The following CFAP58 variants were observed in gnomAD, a reference collection of about 807,000 sequenced individuals.
CFAP58 encodes cilia- and flagella-associated protein 58.
A neutral mutation model predicts 119.5 loss-of-function variants in CFAP58; 88 were observed. That is an observed-to-expected ratio of 0.74 (90% CI 0.62 to 0.88). CFAP58 has a LOEUF of 0.88. Among genes scored for constraint, CFAP58 ranks in the 40% least tolerant of loss-of-function variants. CFAP58 has a pLI of 0.00. For synonymous variants in CFAP58, 365 were observed against 366.3 expected, an observed-to-expected ratio of 1.00 and a Z score of 0.04; for missense variants, 990 against 1,021.2, an observed-to-expected ratio of 0.97 and a Z score of 0.42.
intron 11 of CFAP58, among the ~76,000 whole-genome samples, chr10:104,395,142 A>C (rs1450410441): frequency 6.6e-6 from 1 of 151,994 alleles, no homozygotes; most frequent in African/African-American, 2.4e-5. Flanking sequence ...TATACAAAAT[A>C]TCAATTATTC....
intron 13 of CFAP58, among the ~76,000 whole-genome samples, chr10:104,402,498 G>A (rs1050518493): frequency 8.5e-5 from 13 of 152,124 alleles, no homozygotes; most frequent in Non-Finnish European, 1.9e-4. Flanking sequence ...TGCAGCAGGC[G>A]AGGACAGGTA....
chr10:104,439,663 C>A (rs1488256377), intron 15 of CFAP58, among the ~76,000 whole-genome samples: 1 of 151,872 alleles, frequency 6.6e-6, no homozygotes, highest in Non-Finnish European at 1.5e-5. Context: ...TGTGATTGTG[C>A]GACTGCAATC....
intron 9 of CFAP58, among the ~76,000 whole-genome samples, chr10:104,388,800 A>T (rs2011977558): frequency 6.6e-6 from 1 of 152,064 alleles, no homozygotes; most frequent in Admixed American, 6.6e-5. Context: ...TCTTATTTCT[A>T]TTGGCAGGTT....
chr10:104,409,720 A>T (rs1037856729), intron 15 of CFAP58, among the ~76,000 whole-genome samples: 4 of 152,158 alleles, frequency 2.6e-5, no homozygotes, highest in African/African-American at 9.7e-5. Flanking sequence ...AACTCTCGTA[A>T]TAATATTTTT....
At position 104,358,006 on chromosome 10, in the gene CFAP58, T is replaced by C. The variant is rs185009544; in HGVS notation, c.10-335T>C. ...ATGTACACATATATGTACACATATA[T>C]ACACATATATGTACATATATATACA... On this transcript the variant is annotated intron_variant, in intron 1 of 17. Coordinates refer to ENST00000369704, the MANE Select transcript of CFAP58 (RefSeq NM_001008723.2). Among the ~76,000 whole-genome samples the C allele has an allele frequency of 4.5e-3, 602 of 133,326 alleles. 21 individuals carry two copies. Among genetic ancestry groups the C allele is most frequent in the Middle Eastern group, 0.013 (3 of 226 alleles). 87.5% of individuals were successfully genotyped at this position (133,326 alleles called of 152,430 possible).
Position 104,370,872 on chromosome 10 carries a change from T to A in CFAP58, c.931-23T>A, listed in dbSNP as rs201507774. 588 of 1,598,672 alleles carry A rather than the reference T, an allele frequency of 3.7e-4. 1 individual carries two copies. Among genetic ancestry groups the A allele is most frequent in the Non-Finnish European group, 4.7e-4 (547 of 1,174,428 alleles). On this transcript the variant is annotated intron_variant, in intron 6 of 17. Coordinates refer to ENST00000369704, the MANE Select transcript of CFAP58 (RefSeq NM_001008723.2). The stretch of plus-strand genomic sequence containing the variant: ...GCTCTTCATTTACAAAGTGACTCAT[T>A]AATTCTTTCTCACTAATTACAGGCC...
At chr10:104,339,165 C>T in the CFAP58 span, among the ~76,000 whole-genome samples, 1 of 152,214 alleles carries the variant, frequency 6.6e-6, no homozygotes, top group Admixed American at 6.5e-5. Flanking sequence ...CCTGGGATTA[C>T]AGGCGTGAGC....
chr10:104,357,840 C>CATATATACACAT (rs1297406367), intron 1 of CFAP58, among the ~76,000 whole-genome samples: 6 of 71,120 alleles, frequency 8.4e-5, no homozygotes, highest in African/African-American at 1.9e-4. Context: ...TATATGTACA[C>CATATATACACAT]ATATGTACAC....
chr10:104,371,692 T>G (rs1417438721), intron 7 of CFAP58, among the ~76,000 whole-genome samples: 1 of 152,212 alleles, frequency 6.6e-6, no homozygotes, highest in Admixed American at 6.5e-5. Flanking sequence ...AGAGCACTTG[T>G]GGGCACTGCC....
intron 1 of CFAP58, among the ~76,000 whole-genome samples, chr10:104,357,910 C>CGT (rs2014588358): frequency 2.0e-5 from 2 of 100,730 alleles, no homozygotes; most frequent in Admixed American, 1.8e-4. Flanking sequence ...TACACATATA[C>CGT]ACACATATAT....
chr10:104,433,355 CG>C (rs1266908455), intron 15 of CFAP58, among the ~76,000 whole-genome samples: 1 of 152,116 alleles, frequency 6.6e-6, no homozygotes, highest in Non-Finnish European at 1.5e-5. Flanking sequence ...CCCAGAGCAC[CG>C]GCATTACAGG....
intron 16 of CFAP58, among the ~76,000 whole-genome samples, 196 bp from the exon 17 acceptor site, chr10:104,449,875 G>A (rs77962700): frequency 0.01 from 1,538 of 152,236 alleles, 26 homozygotes; most frequent in African/African-American, 0.035. Context: ...TTGCAACCTA[G>A]TGATGCATCT....
intron 5 of CFAP58, among the ~76,000 whole-genome samples, chr10:104,367,577 C>T (rs1391536050): frequency 6.6e-6 from 1 of 152,126 alleles, no homozygotes; most frequent in East Asian, 1.9e-4. Flanking sequence ...AGGATAAAAA[C>T]TATTCTCCTA....
chr10:104,373,390 T>C (rs2014848973), intron 7 of CFAP58, among the ~76,000 whole-genome samples: 1 of 152,144 alleles, frequency 6.6e-6, no homozygotes, highest in South Asian at 2.1e-4. Flanking sequence ...TCCCTGCACT[T>C]TGGGAGGCTG....
chr10:104,425,202 G>A (rs899753664), intron 15 of CFAP58, among the ~76,000 whole-genome samples: 2 of 152,148 alleles, frequency 1.3e-5, no homozygotes, highest in African/African-American at 4.8e-5. Context: ...GCCCATGGAA[G>A]CACATGGGCA....
chr10:104,375,093 A>G (rs937562509), intron 7 of CFAP58, among the ~76,000 whole-genome samples: 3 of 151,702 alleles, frequency 2.0e-5, no homozygotes, highest in Admixed American at 1.3e-4. Flanking sequence ...TGTTGAAACC[A>G]TAAAACCAAG....
chr10:104,352,871 T>G (rs953063459), upstream of CFAP58, among the ~76,000 whole-genome samples: 2 of 152,086 alleles, frequency 1.3e-5, no homozygotes, highest in African/African-American at 4.8e-5. Flanking sequence ...GAATGTTGAG[T>G]GAAAAAAGTA....
chr10:104,384,540 G>A (rs1039971337), intron 9 of CFAP58, among the ~76,000 whole-genome samples: 5 of 152,320 alleles, frequency 3.3e-5, no homozygotes, highest in African/African-American at 1.2e-4. Context: ...CCACGGTAAA[G>A]GTCTGGCTCT....
At chr10:104,347,992 A>T in the CFAP58 span, among the ~76,000 whole-genome samples, 1 of 152,002 alleles carries the variant, frequency 6.6e-6, no homozygotes, top group African/African-American at 2.4e-5. Context: ...TCCAGACCTG[A>T]GCAATGATTG....
Sources: allele counts gnomAD v4.1 joint callset (sites outside exome capture counted in the v4.1 genomes callset), GRCh38; gene constraint gnomAD v4.1.1; transcripts MANE v1.5; gene names NCBI Gene and HGNC (gene_info 2026-07-23, HGNC 2026-07-21).